CATSPER3: variants seen among roughly 807,000 people sequenced by gnomAD.
The protein encoded by CATSPER3 is cation channel sperm associated 3, also known as cation channel sperm-associated protein 3.
CATSPER3 carries 23 observed loss-of-function variants against 36.6 expected under a neutral mutation model. That is an observed-to-expected ratio of 0.63 (90% CI 0.45 to 0.89). CATSPER3 has a LOEUF of 0.89. Ranked by LOEUF, CATSPER3 falls within the 40% of genes least tolerant of loss-of-function variation. CATSPER3 has a pLI of 0.00. For missense variants in CATSPER3, 474 were observed against 503.9 expected, an observed-to-expected ratio of 0.94 and a Z score of 0.57; for synonymous variants, 172 against 184.1, an observed-to-expected ratio of 0.93 and a Z score of 0.53.
At chr5:134,984,124 A>G (rs1751780530) in intron 2 of CATSPER3, among the ~76,000 whole-genome samples, 2 of 152,344 alleles carry the variant, frequency 1.3e-5, no homozygotes, top group South Asian at 2.1e-4. Flanking sequence ...CTCACCATAT[A>G]CAAAAATTAA....
At chr5:135,008,222 C>T in intron 4 of CATSPER3, 83 bp downstream of exon 4, 1 of 1,156,836 alleles carries the variant, frequency 8.6e-7, no homozygotes, top group Non-Finnish European at 1.3e-6. Context: ...ACATGTGGGG[C>T]CTCACATGGG....
chr5:134,968,657 C>G (rs912801681), intron 1 of CATSPER3: 3 of 150,260 alleles, frequency 2.0e-5, no homozygotes, highest in African/African-American at 7.4e-5. Flanking sequence ...CACCACTGCA[C>G]TCCAGCCTGG....
intron 2 of CATSPER3, among the ~76,000 whole-genome samples, chr5:134,980,199 C>T (rs1308737836): frequency 2.0e-5 from 3 of 151,956 alleles, no homozygotes; most frequent in Admixed American, 2.0e-4. Context: ...CTAGGCTGGC[C>T]TTGAACTCCT....
In CATSPER3 at chr5:134,968,060, G is replaced by C. The variant is rs1751555755; in HGVS notation, c.69G>C (p.Val23=). ...ISSSPVDTTS[V]GFCPTFKKFK... is the part of the protein sequence containing the mutation. Reference sequence around the variant, plus strand: ...GTTCACCAGTTGACACTACATCGGTGGGATTTTGCCCAACATTCAAGAAAT... The same window carrying C: ...GTTCACCAGTTGACACTACATCGGTCGGATTTTGCCCAACATTCAAGAAAT... The change falls in exon 1 of 8, where the codon GTG becomes GTC. Residue 23 remains valine (V), a synonymous_variant. Coordinates refer to ENST00000282611, the MANE Select transcript of CATSPER3 (RefSeq NM_178019.3). The C allele has an allele frequency of 6.2e-7, 1 of 1,613,522 alleles. No homozygotes were observed. The highest frequency in any genetic ancestry group is 1.3e-5 in the African/African-American group (1 of 74,894).
Position 134,996,461 on chromosome 5 carries a change from C to T in CATSPER3, c.441C>T (p.Gly147=), listed in dbSNP as rs759683681. ...KQFTYLYIAD[G]MQSLRILKLI... Reference sequence around the variant, plus strand: ...TCACTTACCTGTATATCGCTGATGGCATGCAGTCCCTGCGCATCCTCAAGC... The same window carrying T: ...TCACTTACCTGTATATCGCTGATGGTATGCAGTCCCTGCGCATCCTCAAGC... Residue 147 remains glycine (G), a synonymous_variant, in exon 3 of 8, where the codon GGC becomes GGT. Coordinates refer to ENST00000282611, the MANE Select transcript of CATSPER3 (RefSeq NM_178019.3). 2.5e-6 allele frequency: 4 copies of T among 1,614,006 alleles called. No individual in the cohort carries two copies. The highest frequency in any genetic ancestry group is 3.4e-6 in the Non-Finnish European group (4 of 1,179,960).
chr5:134,985,540 ATAGG>A (rs1180485285), intron 2 of CATSPER3, among the ~76,000 whole-genome samples: 2 of 152,138 alleles, frequency 1.3e-5, no homozygotes, highest in Admixed American at 1.3e-4. Flanking sequence ...ATTGCACCTA[ATAGG>A]TAGTCTAAAG....
chr5:134,997,590 G>A (rs764024338), intron 3 of CATSPER3, among the ~76,000 whole-genome samples: 4 of 152,118 alleles, frequency 2.6e-5, no homozygotes, highest in Non-Finnish European at 4.4e-5. Flanking sequence ...CAGTTCCCTT[G>A]GCATCCTTGT....
chr5:134,986,925 G>A (rs1005490400), intron 2 of CATSPER3, among the ~76,000 whole-genome samples: 5 of 152,048 alleles, frequency 3.3e-5, no homozygotes, highest in African/African-American at 1.2e-4. Context: ...AAGAAGAAAG[G>A]TCTCAAATCA....
At chr5:135,008,744 T>A in intron 4 of CATSPER3, 97 bp from the exon 5 acceptor site, 1 of 1,058,072 alleles carries the variant, frequency 9.5e-7, no homozygotes, top group Non-Finnish European at 1.5e-6. Context: ...GGAGCCACCC[T>A]TCTCCTCAGT....
chr5:134,968,055 T>G lies in CATSPER3; in HGVS notation c.64T>G (p.Ser22Ala). 6.2e-7 allele frequency: 1 copy of G among 1,613,868 alleles called. No individual in the cohort carries two copies. Among genetic ancestry groups the G allele is most frequent in the Non-Finnish European group, 8.5e-7 (1 of 1,179,732 alleles). The change falls in exon 1 of 8, where the codon TCG (serine) becomes GCG (alanine). Residue 22 changes from serine to alanine, a missense_variant. Transcript: ENST00000282611. ...VISSSPVDTT[S>A]VGFCPTFKKF... is the part of the protein sequence containing the mutation. ...TTCTAGTTCACCAGTTGACACTACA[T>G]CGGTGGGATTTTGCCCAACATTCAA...
intron 1 of CATSPER3, chr5:134,968,420 C>G: frequency 8.9e-6 from 3 of 338,034 alleles, no homozygotes; most frequent in Non-Finnish European, 1.7e-5. Context: ...TCTGGCTGGG[C>G]ACGGTGGCTC....
chr5:134,986,807 G>A (rs1382343798), intron 2 of CATSPER3, among the ~76,000 whole-genome samples: 4 of 152,084 alleles, frequency 2.6e-5, no homozygotes, highest in East Asian at 3.9e-4. Flanking sequence ...AATCACAAGC[G>A]AAATTAGAAA....
At chr5:134,976,342 C>A in intron 2 of CATSPER3, among the ~76,000 whole-genome samples, 1 of 151,306 alleles carries the variant, frequency 6.6e-6, no homozygotes, top group South Asian at 2.1e-4. Flanking sequence ...AACAAAACCC[C>A]ACCCCACCCC....
In CATSPER3 at chr5:134,970,175, T is replaced by C. The variant is rs77271006; in HGVS notation, c.252+83T>C. 73 of 1,303,552 alleles carry C rather than the reference T, an allele frequency of 5.6e-5. No individual in the cohort carries two copies. In the Middle Eastern group the frequency reaches 5.6e-4, roughly 10 times the overall value. The allele number at this position is 1,303,552 out of a possible 1,614,324, so 80.7% of individuals were successfully genotyped here. ...AAACATTATAAGATTTTTTTTTTTT[T>C]CCGAGACAGAATCTCACTCTGTCAG... On this transcript the variant is annotated intron_variant, in intron 2 of 7. Transcript: ENST00000282611.
intron 2 of CATSPER3, among the ~76,000 whole-genome samples, chr5:134,983,100 A>G (rs1238616566): frequency 6.6e-6 from 1 of 152,208 alleles, no homozygotes; most frequent in Non-Finnish European, 1.5e-5. Context: ...GCACAGTACA[A>G]AAAAATCAGG....
rs1316646739 is a variant in CATSPER3 at position 135,008,949 on chromosome 5, A to G, written c.784A>G (p.Met262Val). ...ILLASFIFLNMFVGVMIMHTE... is the reference protein window; with the variant it reads ...ILLASFIFLNVFVGVMIMHTE... ...GCTCGCCTCTTTCATCTTCCTCAAC[A>G]TGTTCGTGGGTGTGATGATCATGCA... is the stretch of plus-strand genomic sequence containing the variant. Residue 262 changes from methionine to valine, a missense_variant, in exon 5 of 8, where the codon ATG becomes GTG. By Grantham distance (21) the Met-to-Val change is conservative. Coordinates refer to ENST00000282611, the MANE Select transcript of CATSPER3 (RefSeq NM_178019.3). 2.5e-6 allele frequency: 4 copies of G among 1,613,612 alleles called. No homozygotes were observed. The highest frequency in any genetic ancestry group is 4.5e-5 in the East Asian group (2 of 44,864).
At chr5:134,983,188 C>A (rs940528017) in intron 2 of CATSPER3, among the ~76,000 whole-genome samples, 7 of 152,120 alleles carry the variant, frequency 4.6e-5, no homozygotes, top group African/African-American at 1.7e-4. Flanking sequence ...AGCAAAACAG[C>A]AGAAGTGTGT....
rs139694304 is a variant in CATSPER3, at chr5:135,009,466, G to A, written c.912G>A (p.Glu304=). 9.0e-4 allele frequency: 1,451 copies of A among 1,613,262 alleles called. 5 individuals carry two copies. The Middle Eastern group carries it at 0.017, about 19-fold the overall frequency. Residue 304 remains glutamate, a synonymous_variant, in exon 6 of 8, where the codon GAG becomes GAA. Coordinates refer to ENST00000282611, the MANE Select transcript of CATSPER3 (RefSeq NM_178019.3). ...TGATTCTGCAGCGGCAGCAGGAGGA[G>A]ATCAGCAGGCTGATGCACATACAGG... The part of the protein sequence containing the change: ...KQVILQRQQE[E]ISRLMHIQKN...
In CATSPER3 at chr5:134,969,981, A is replaced by G. The variant is rs773884693; in HGVS notation, c.141A>G (p.Ile47Met). Residue 47 changes from isoleucine to methionine, a missense_variant, in exon 2 of 8, where the codon ATA (isoleucine) becomes ATG (methionine). By Grantham distance (10) the Ile-to-Met change is conservative. Transcript: ENST00000282611. ...GTCGGGCATTTGTGAAGAGAGTCAT[A>G]ATGAGCCGTTTCTTTAAGATAATTA... Reference protein sequence around the residue: ...DECRAFVKRVIMSRFFKIIMI... With the variant: ...DECRAFVKRVMMSRFFKIIMI... 6.2e-7 allele frequency: 1 copy of G among 1,614,120 alleles called. No individual in the cohort carries two copies. Among genetic ancestry groups the G allele is most frequent in the Non-Finnish European group, 8.5e-7 (1 of 1,180,010 alleles).
Sources: allele counts gnomAD v4.1 joint callset (sites outside exome capture counted in the v4.1 genomes callset), GRCh38; gene constraint gnomAD v4.1.1; transcripts MANE v1.5; gene names NCBI Gene and HGNC (gene_info 2026-07-23, HGNC 2026-07-21).